Variants in NUBP1 observed in about 807,000 individuals in gnomAD.
The protein encoded by NUBP1 is cytosolic Fe-S cluster assembly factor NUBP1.
A neutral mutation model predicts 41.8 loss-of-function variants in NUBP1; 46 were observed. The ratio of observed to expected loss-of-function variants is 1.10; its 90% CI spans 0.87 to 1.41. The LOEUF is 1.41. Ranked by LOEUF, NUBP1 falls within the 40% of genes most tolerant of loss-of-function variation. The probability of loss-of-function intolerance (pLI) is 0.00; values close to 1 mark genes in which losing one functional copy is unlikely to be tolerated. For synonymous variants in NUBP1, 189 were observed against 154.6 expected (o/e 1.22, Z -1.65); for missense variants, 494 against 414.0 (o/e 1.19, Z -1.68).
rs1401948626 is a variant in NUBP1, at chr16:10,768,437, T to C, written c.904+405T>C. 6.2e-6 allele frequency: 1 copy of C among 160,862 alleles called. No homozygotes were observed. Among genetic ancestry groups the C allele is most frequent in the Admixed American group, 6.2e-5 (1 of 16,186 alleles). 10.0% of individuals were successfully genotyped at this position (160,862 alleles called of 1,614,324 possible). ...GCCTGGCTAACATGGAGAAACACTG[T>C]CTCTACTAAAAATATGAAAATTAGC... On this transcript the variant is annotated intron_variant, in intron 10 of 10. Coordinates refer to ENST00000283027, the MANE Select transcript of NUBP1 (RefSeq NM_002484.4). The surrounding 1 kb of genome is among the most constrained non-coding windows in gnomAD (Gnocchi z 4.3).
rs770709927 is a variant in NUBP1, at chr16:10,752,634, T to G, written c.283T>G (p.Cys95Gly). ...GATTGCTCTTCTAGACATCGATATATGTGGGCCATCGATTCCCAAGATAAT... is the reference window on the plus strand; with the variant it reads ...GATTGCTCTTCTAGACATCGATATAGGTGGGCCATCGATTCCCAAGATAAT... ...TQIALLDIDI[C>G]GPSIPKIMGL... Residue 95 changes from cysteine to glycine, a missense_variant, in exon 4 of 11, where the codon TGT becomes GGT. Physicochemically the swap from Cys to Gly is radical, Grantham distance 159 (BLOSUM62 -3). Coordinates refer to ENST00000283027, the MANE Select transcript of NUBP1 (RefSeq NM_002484.4). The G allele has an allele frequency of 6.2e-7, 1 of 1,613,810 alleles. No individual in the cohort carries two copies. Among genetic ancestry groups the G allele is most frequent in the Non-Finnish European group, 8.5e-7 (1 of 1,179,792 alleles).
In NUBP1 at chr16:10,749,239, G is replaced by A. The variant is rs1196718978; in HGVS notation, c.258+1963G>A. 6.6e-6 allele frequency among the ~76,000 whole-genome samples: 1 copy of A among 151,716 alleles called. No individual in the cohort carries two copies. The highest frequency in any genetic ancestry group is 1.9e-4 in the East Asian group (1 of 5,192). On this transcript the variant is annotated intron_variant, in intron 3 of 10. Transcript: ENST00000283027. The surrounding 1 kb of genome is among the most constrained non-coding windows in gnomAD (Gnocchi z 4.1). Reference sequence around the variant, plus strand: ...GGGTCAAATCTGTACTGGCCTAGTGGGCTGGCCAAGAAATCTGCTTTCTCA... The same window carrying A: ...GGGTCAAATCTGTACTGGCCTAGTGAGCTGGCCAAGAAATCTGCTTTCTCA...
rs188491021 is a variant in NUBP1, at chr16:10,749,919, C to G, written c.258+2643C>G. On this transcript the variant is annotated intron_variant, in intron 3 of 10. Transcript: ENST00000283027. The surrounding 1 kb of genome is among the most constrained non-coding windows in gnomAD (Gnocchi z 4.1). Reference sequence around the variant, plus strand: ...GTTGTGGTGAAGGCAGAAGGAGCCTCTGTAGCATAAGCCTGAGCCATGAGA... The same window carrying G: ...GTTGTGGTGAAGGCAGAAGGAGCCTGTGTAGCATAAGCCTGAGCCATGAGA... Among the ~76,000 whole-genome samples the G allele has an allele frequency of 1.8e-4, 28 of 152,348 alleles. No individual in the cohort carries two copies. The highest frequency in any genetic ancestry group is 2.9e-4 in the Non-Finnish European group (20 of 68,026).
At chr16:10,744,327 C>G (rs1446132810) in intron 2 of NUBP1, among the ~76,000 whole-genome samples, 1 of 152,100 alleles carries the variant, frequency 6.6e-6, no homozygotes, top group South Asian at 2.1e-4. Context: ...GGAGACTGAC[C>G]GGCGCGGAGT....
chr16:10,752,023 C>T (rs1366775755), intron 3 of NUBP1, among the ~76,000 whole-genome samples: 1 of 152,250 alleles, frequency 6.6e-6, no homozygotes, highest in Non-Finnish European at 1.5e-5. Flanking sequence ...CCGCCTCAGC[C>T]TCCCAAAGTG....
chr16:10,763,302 C>T (rs547691982), intron 9 of NUBP1, among the ~76,000 whole-genome samples: 8 of 151,690 alleles, frequency 5.3e-5, no homozygotes, highest in African/African-American at 1.7e-4. Flanking sequence ...GTGCAGAAAG[C>T]GGGAGCCAGG....
intron 5 of NUBP1, 88 bp from the exon 6 acceptor site, chr16:10,756,602 T>A: frequency 1.1e-6 from 1 of 929,322 alleles, no homozygotes; most frequent in African/African-American, 1.8e-5. Context: ...TTTTTTTCAG[T>A]CAGAGCTCAA....
rs542102361 is a variant in NUBP1, at chr16:10,768,600, G to A, written c.905-447G>A. 1.2e-3 allele frequency: 194 copies of A among 157,514 alleles called. No individual in the cohort carries two copies. The highest frequency in any genetic ancestry group is 4.3e-3 in the African/African-American group (180 of 41,662). The allele number at this position is 157,514 out of a possible 1,614,324, so 9.8% of individuals were successfully genotyped here. On this transcript the variant is annotated intron_variant, in intron 10 of 10. Coordinates refer to ENST00000283027, the MANE Select transcript of NUBP1 (RefSeq NM_002484.4). The surrounding 1 kb of genome is among the most constrained non-coding windows in gnomAD (Gnocchi z 4.3). ...CCAGCCTGGGCAACAGCGTGAGACCGTGTCTCAAAAAAATAAAAAATAAAA... is the reference window on the plus strand; with the variant it reads ...CCAGCCTGGGCAACAGCGTGAGACCATGTCTCAAAAAAATAAAAAATAAAA...
intron 9 of NUBP1, 60 bp downstream of exon 9, chr16:10,761,919 C>T (rs75206545): frequency 0.026 from 34,549 of 1,351,528 alleles, 614 homozygotes; most frequent in Non-Finnish European, 0.032. Flanking sequence ...AGGCACGGGT[C>T]GGGCACAACA....
chr16:10,752,131 CT>C (rs1900346615), intron 3 of NUBP1, among the ~76,000 whole-genome samples: 1 of 152,222 alleles, frequency 6.6e-6, no homozygotes, highest in South Asian at 2.1e-4. Flanking sequence ...GTATCTGAGA[CT>C]CCTGAACAAG....
In NUBP1 at chr16:10,768,245, T is replaced by C. The variant is rs1312805898; in HGVS notation, c.904+213T>C. ...TTTAAAAAACATGGTGAGGGTGAAA[T>C]TTATGGCTTAGGAAATACATCCCAA... On this transcript the variant is annotated intron_variant, in intron 10 of 10. Coordinates refer to ENST00000283027, the MANE Select transcript of NUBP1 (RefSeq NM_002484.4). The surrounding 1 kb of genome is among the most constrained non-coding windows in gnomAD (Gnocchi z 4.3). 1.2e-5 allele frequency: 5 copies of C among 427,338 alleles called. No individual in the cohort carries two copies. The Admixed American group carries it at 1.6e-4, about 14-fold the overall frequency. 26.5% of individuals were successfully genotyped at this position (427,338 alleles called of 1,614,324 possible).
chr16:10,765,225 C>G lies in NUBP1; in HGVS notation c.821-2724C>G, dbSNP rs1222613929. The G allele has an allele frequency of 6.6e-6, 1 of 151,016 alleles. No individual in the cohort carries two copies. The highest frequency in any genetic ancestry group is 1.5e-5 in the Non-Finnish European group (1 of 68,098). 9.4% of individuals were successfully genotyped at this position (151,016 alleles called of 1,614,324 possible). ...AGAAATCTATATCCTTACCCAAAGT[C>G]TCCTGATACTAAATGATAGCAACTA... On this transcript the variant is annotated intron_variant, in intron 9 of 10. Coordinates refer to ENST00000283027, the MANE Select transcript of NUBP1 (RefSeq NM_002484.4). The surrounding 1 kb of genome is among the most constrained non-coding windows in gnomAD (Gnocchi z 4.0).
chr16:10,752,238 T>C (rs1408746953), intron 3 of NUBP1, among the ~76,000 whole-genome samples: 1 of 152,132 alleles, frequency 6.6e-6, no homozygotes, highest in East Asian at 1.9e-4. Flanking sequence ...AACACTGCCG[T>C]CTCTTGGCTG....
Position 10,761,869 on chromosome 16 carries a change from C to T in NUBP1, c.820+10C>T, listed in dbSNP as rs1387438522. Reference sequence around the variant, plus strand: ...CTGGATCCGCTCATAGGTGGGTGACCCCAGTGTGGGGCGGCACCTCACTCC... The same window carrying T: ...CTGGATCCGCTCATAGGTGGGTGACTCCAGTGTGGGGCGGCACCTCACTCC... On this transcript the variant is annotated intron_variant, in intron 9 of 10. Transcript: ENST00000283027. 3 of 1,607,544 alleles carry T rather than the reference C, an allele frequency of 1.9e-6. No individual in the cohort carries two copies. Among genetic ancestry groups the T allele is most frequent in the Admixed American group, 1.7e-5 (1 of 59,728 alleles).
At position 10,761,368 on chromosome 16, in the gene NUBP1, T is replaced by C; in HGVS notation, c.611T>C (p.Val204Ala). 1 of 1,613,776 alleles carries C rather than the reference T, an allele frequency of 6.2e-7. No individual in the cohort carries two copies. ...CTGGTCTTTTCACCTTCGTAGGAGG[T>C]GTCACTCCAGGATGTCCGGAAAGAA... ...GAVIITTPQE[V>A]SLQDVRKEIN... The change falls in exon 8 of 11, where the codon GTG becomes GCG. Residue 204 changes from valine to alanine, a missense_variant. Coordinates refer to ENST00000283027, the MANE Select transcript of NUBP1 (RefSeq NM_002484.4).
In NUBP1 at chr16:10,757,813, G is replaced by A. The variant is rs1900659896; in HGVS notation, c.452-60G>A. 37 of 1,576,570 alleles carry A rather than the reference G, an allele frequency of 2.3e-5. No individual in the cohort carries two copies. The South Asian group carries it at 4.1e-4, about 17-fold the overall frequency. ...CCCCATCCTTTAAAAAAAAAAGAGG[G>A]AGTTGAAAGTACAGAAAAGAAAGGA... is the stretch of plus-strand genomic sequence containing the variant. On this transcript the variant is annotated intron_variant, in intron 6 of 10. Coordinates refer to ENST00000283027, the MANE Select transcript of NUBP1 (RefSeq NM_002484.4). This position sits in a 1 kb window ranked among gnomAD's most constrained non-coding sequence, Gnocchi z 4.1.
At chr16:10,760,633 A>T (rs1824953645) in intron 7 of NUBP1, among the ~76,000 whole-genome samples, 1 of 152,202 alleles carries the variant, frequency 6.6e-6, no homozygotes, top group South Asian at 2.1e-4. Context: ...GCTACTCTGG[A>T]GGCTGAGGCA....
chr16:10,753,533 G>A (rs75058738), intron 4 of NUBP1, among the ~76,000 whole-genome samples: 1 of 152,144 alleles, frequency 6.6e-6, no homozygotes, highest in East Asian at 1.9e-4. Flanking sequence ...GGGGCTGGGG[G>A]TGCTGGGATG....
intron 9 of NUBP1, chr16:10,763,635 A>T (rs1355223408): frequency 6.6e-6 from 1 of 152,364 alleles, no homozygotes; most frequent in Non-Finnish European, 1.5e-5. Context: ...GGCTGCATGA[A>T]TGGATGTGAT....
Sources: gnomAD v4.1 joint callset for allele counts (sites outside exome capture counted in the v4.1 genomes callset) on GRCh38, gnomAD v4.1.1 for gene constraint, Gnocchi (gnomAD v3.1) non-coding constraint, MANE v1.5 for transcripts, NCBI Gene and HGNC (gene_info 2026-07-23, HGNC 2026-07-21) for gene names.